GRIK2: variants seen among roughly 807,000 people sequenced by gnomAD.
GRIK2 encodes the protein glutamate receptor ionotropic, kainate 2.
In GRIK2, 32 loss-of-function variants were observed where a neutral mutation model predicts 100.3. The observed-to-expected ratio is 0.32, with a 90% confidence interval of 0.24 to 0.43. The LOEUF (loss-of-function observed/expected upper bound fraction) is 0.43, where lower values mean the gene tolerates loss of function less well. Ranked by LOEUF, GRIK2 falls within the 20% of genes least tolerant of loss-of-function variation. The probability of loss-of-function intolerance (pLI) is 1.00; values close to 1 mark genes in which losing one functional copy is unlikely to be tolerated. For missense variants in GRIK2, 843 were observed against 1,114.9 expected (o/e 0.76, Z 3.47); for synonymous variants, 417 against 389.4 (o/e 1.07, Z -0.83).
At chr6:102,031,124 C>CAG (rs1769974872) in intron 14 of GRIK2, among the ~76,000 whole-genome samples, 1 of 71,598 alleles carries the variant, frequency 1.4e-5, no homozygotes, top group African/African-American at 3.9e-5. Flanking sequence ...CACACACACA[C>CAG]ACACCCCCTT....
At chr6:101,568,820 TAAC>T (rs943559846) in intron 2 of GRIK2, among the ~76,000 whole-genome samples, 29 of 152,100 alleles carry the variant, frequency 1.9e-4, no homozygotes, top group African/African-American at 6.0e-4. Context: ...AAAATTCTGA[TAAC>T]GAGTCTATCC....
intron 2 of GRIK2, among the ~76,000 whole-genome samples, chr6:101,406,679 T>C (rs1775607886): frequency 6.6e-6 from 1 of 152,150 alleles, no homozygotes; most frequent in South Asian, 2.1e-4. Context: ...GCTGAGTGAT[T>C]AGCATGGGTG....
chr6:101,771,924 C>G (rs988961396), intron 7 of GRIK2, among the ~76,000 whole-genome samples: 46 of 151,988 alleles, frequency 3.0e-4, no homozygotes, highest in African/African-American at 1.1e-3. Flanking sequence ...TTCTTAATCC[C>G]GTCTATCATT....
At chr6:102,006,814 C>T (rs922903314) in intron 14 of GRIK2, among the ~76,000 whole-genome samples, 18 of 151,814 alleles carry the variant, frequency 1.2e-4, no homozygotes, top group African/African-American at 3.4e-4. Context: ...ATAATAAAAT[C>T]GCAAATAATC....
chr6:101,430,416 G>C, intron 2 of GRIK2: 1 of 212,318 alleles, frequency 4.7e-6, no homozygotes, highest in South Asian at 8.7e-5. Flanking sequence ...CTATTCTGCT[G>C]GGTGATCCAC....
At chr6:101,944,266 T>G (rs1791137874) in intron 14 of GRIK2, among the ~76,000 whole-genome samples, 1 of 152,222 alleles carries the variant, frequency 6.6e-6, no homozygotes, top group Non-Finnish European at 1.5e-5. Context: ...TTACTCATTT[T>G]TAGGTAGTTC....
chr6:101,676,346 G>A (rs577107644), intron 4 of GRIK2, among the ~76,000 whole-genome samples: 2 of 151,974 alleles, frequency 1.3e-5, no homozygotes, highest in Non-Finnish European at 2.9e-5. Context: ...TTTGAGAAAT[G>A]TTTATTTTAA....
In GRIK2 at chr6:101,491,079, A is replaced by T. The variant is rs138563370; in HGVS notation, c.115+91687A>T. ...TGACCTGTAGACATCCATGAGTCATACATGTGAAAGTCAGGAACAGATCTT... is the reference window on the plus strand; with the variant it reads ...TGACCTGTAGACATCCATGAGTCATTCATGTGAAAGTCAGGAACAGATCTT... On this transcript the variant is annotated intron_variant, in intron 2 of 16. Coordinates refer to ENST00000369134, the MANE Select transcript of GRIK2 (RefSeq NM_021956.5). 4.2e-3 allele frequency among the ~76,000 whole-genome samples: 499 copies of T among 118,582 alleles called. 86 individuals are homozygous for T. The highest frequency in any genetic ancestry group is 0.018 in the African/African-American group (486 of 27,624). The allele number at this position is 118,582 out of a possible 152,430, so 77.8% of individuals were successfully genotyped here.
chr6:101,491,295 C>CAAA, intron 2 of GRIK2, among the ~76,000 whole-genome samples: 1 of 149,722 alleles, frequency 6.7e-6, no homozygotes, highest in African/African-American at 2.4e-5. Context: ...AAAACCCAAC[C>CAAA]AAACAAACAA....
chr6:102,001,242 T>A (rs1032980088), intron 14 of GRIK2, among the ~76,000 whole-genome samples: 9 of 151,584 alleles, frequency 5.9e-5, no homozygotes, highest in African/African-American at 2.2e-4. Flanking sequence ...AGAACGTGCA[T>A]GTTTGTTACA....
At chr6:101,886,318 T>C (rs1444152290) in intron 11 of GRIK2, among the ~76,000 whole-genome samples, 1 of 152,140 alleles carries the variant, frequency 6.6e-6, no homozygotes, top group East Asian at 1.9e-4. Context: ...TGTATGGATG[T>C]AATACAGTCT....
intron 2 of GRIK2, among the ~76,000 whole-genome samples, chr6:101,480,895 G>A (rs529414272): frequency 6.6e-6 from 1 of 152,132 alleles, no homozygotes; most frequent in East Asian, 1.9e-4. Flanking sequence ...GAAATTGAAA[G>A]CAGTAAAAAA....
chr6:101,534,350 G>A (rs755124715), intron 2 of GRIK2, among the ~76,000 whole-genome samples: 4 of 151,888 alleles, frequency 2.6e-5, no homozygotes, highest in Non-Finnish European at 5.9e-5. Context: ...GTGGTGTTTA[G>A]ATTTTTGAGG....
intron 2 of GRIK2, among the ~76,000 whole-genome samples, chr6:101,510,592 G>A (rs776662017): frequency 7.4e-6 from 1 of 134,860 alleles, no homozygotes; most frequent in African/African-American, 2.9e-5. Context: ...GCATGATCTC[G>A]GCTCAATGCA....
chr6:102,044,341 C>CCTTT (rs1303651989), intron 15 of GRIK2, among the ~76,000 whole-genome samples: 1 of 151,848 alleles, frequency 6.6e-6, no homozygotes, highest in African/African-American at 2.4e-5. Context: ...TCATGCAATC[C>CCTTT]CTTTCTTTTA....
chr6:101,914,067 T>A (rs543329635), intron 12 of GRIK2, among the ~76,000 whole-genome samples: 3 of 151,496 alleles, frequency 2.0e-5, no homozygotes, highest in Non-Finnish European at 4.4e-5. Context: ...GATGTGTTGG[T>A]TTGGAGGTAA....
intron 14 of GRIK2, among the ~76,000 whole-genome samples, chr6:102,025,280 G>A (rs13210850): frequency 6.6e-6 from 1 of 150,856 alleles, no homozygotes; most frequent in East Asian, 2.0e-4. Flanking sequence ...GAGCTATAAG[G>A]ATAGGGGAAA....
intron 7 of GRIK2, among the ~76,000 whole-genome samples, chr6:101,792,228 G>A (rs1779923794): frequency 6.6e-6 from 1 of 151,500 alleles, no homozygotes; most frequent in Non-Finnish European, 1.5e-5. Context: ...ATATTGTTAT[G>A]TGTGAATTTG....
intron 14 of GRIK2, among the ~76,000 whole-genome samples, chr6:101,999,337 A>G (rs571515003): frequency 1.2e-4 from 19 of 152,284 alleles, no homozygotes; most frequent in African/African-American, 4.3e-4. Context: ...AATAATTGAC[A>G]TCTTAAAAAT....
Sources: gnomAD v4.1 joint callset for allele counts (sites outside exome capture counted in the v4.1 genomes callset) on GRCh38, gnomAD v4.1.1 for gene constraint, MANE v1.5 for transcripts, NCBI Gene and HGNC (gene_info 2026-07-23, HGNC 2026-07-21) for gene names.